TBC1D1: variants seen among roughly 807,000 people sequenced by gnomAD.
TBC1D1 encodes the protein TBC1 domain family member 1.
TBC1D1 carries 89 observed loss-of-function variants against 125.6 expected under a neutral mutation model. The ratio of observed to expected loss-of-function variants is 0.71; its 90% CI spans 0.60 to 0.85. The LOEUF (loss-of-function observed/expected upper bound fraction) is 0.85, where lower values mean the gene tolerates loss of function less well. TBC1D1 is among the 40% of genes least tolerant of loss of function. The pLI is 0.00. For missense variants in TBC1D1, 1,377 were observed against 1,469.2 expected (o/e 0.94, Z 1.03); for synonymous variants, 565 against 564.1 (o/e 1.00, Z -0.02).
At position 38,090,094 on chromosome 4, in the gene TBC1D1, A is replaced by T; in HGVS notation, c.2213A>T (p.Glu738Val). The T allele has an allele frequency of 6.2e-7, 1 of 1,614,104 alleles. No individual in the cohort carries two copies. The highest frequency in any genetic ancestry group is 1.1e-5 in the South Asian group (1 of 91,070). Residue 738 changes from glutamate (E) to valine (V), a missense_variant, in exon 13 of 20, where the codon GAG (glutamate) becomes GTG (valine). Glu to Val is a moderately radical substitution (Grantham distance 121, BLOSUM62 -2). Transcript: ENST00000261439. ...CAACAGATACTGCTGCTTAGAATGGAGAAGGAAAATCAGAAGCTCCAAGGT... is the reference window on the plus strand; with the variant it reads ...CAACAGATACTGCTGCTTAGAATGGTGAAGGAAAATCAGAAGCTCCAAGGT...
chr4:38,117,602 A>G (rs944052158), intron 16 of TBC1D1, among the ~76,000 whole-genome samples: 2 of 152,184 alleles, frequency 1.3e-5, no homozygotes, highest in African/African-American at 4.8e-5. Flanking sequence ...AACATGTACA[A>G]TGGATTCCTA....
At chr4:37,926,034 G>A (rs557572710) in intron 2 of TBC1D1, among the ~76,000 whole-genome samples, 1 of 152,302 alleles carries the variant, frequency 6.6e-6, no homozygotes, top group South Asian at 2.1e-4. Context: ...ATGGTGCCCT[G>A]CAATGGCTCT....
At chr4:38,066,445 C>T (rs970852268) in intron 12 of TBC1D1, among the ~76,000 whole-genome samples, 2 of 152,118 alleles carry the variant, frequency 1.3e-5, no homozygotes, top group African/African-American at 4.8e-5. Flanking sequence ...CAGTCCCCTG[C>T]CTCAGCCTCC....
intron 8 of TBC1D1, among the ~76,000 whole-genome samples, chr4:38,036,630 A>G (rs1376725883): frequency 6.6e-6 from 1 of 152,050 alleles, no homozygotes; most frequent in Non-Finnish European, 1.5e-5. Flanking sequence ...TGCAGTTTTC[A>G]TGGGGTGTAC....
chr4:38,106,910 G>A (rs894780453), intron 15 of TBC1D1, among the ~76,000 whole-genome samples: 3 of 152,076 alleles, frequency 2.0e-5, no homozygotes, highest in Non-Finnish European at 2.9e-5. Flanking sequence ...GTGGGAGCCC[G>A]GTCCACTGGC....
intron 11 of TBC1D1, chr4:38,051,955 C>G: frequency 6.4e-7 from 1 of 1,550,774 alleles, no homozygotes; most frequent in South Asian, 1.2e-5. Context: ...TCTTCAGCTC[C>G]TGCTCCTCCA....
chr4:37,939,606 G>T (rs944020797), intron 2 of TBC1D1, among the ~76,000 whole-genome samples: 12 of 152,186 alleles, frequency 7.9e-5, no homozygotes, highest in African/African-American at 2.9e-4. Context: ...CCATGCCTAT[G>T]TCCTGAATGG....
intron 15 of TBC1D1, among the ~76,000 whole-genome samples, chr4:38,115,267 AT>A (rs1288724833): frequency 2.0e-5 from 3 of 151,462 alleles, no homozygotes; most frequent in Non-Finnish European, 4.4e-5. Flanking sequence ...CGCCTGACTA[AT>A]TTTTTCTATT....
chr4:38,050,403 G>T (rs1434529297), intron 11 of TBC1D1, among the ~76,000 whole-genome samples: 1 of 152,172 alleles, frequency 6.6e-6, no homozygotes, highest in African/African-American at 2.4e-5. Context: ...TAACAAAATT[G>T]GAGTAGATGT....
chr4:38,021,864 T>C, intron 6 of TBC1D1, 146 bp downstream of exon 6: 2 of 941,436 alleles, frequency 2.1e-6, no homozygotes, highest in African/African-American at 3.4e-5. Flanking sequence ...CAGTGTGCAG[T>C]GGGTGTCTTC....
chr4:38,018,142 C>G (rs1743212871), intron 3 of TBC1D1, among the ~76,000 whole-genome samples: 2 of 152,118 alleles, frequency 1.3e-5, no homozygotes, highest in South Asian at 4.1e-4. Flanking sequence ...CTGGTTCTTT[C>G]ATCTCAAGGA....
chr4:37,964,712 C>T (rs1482491949), intron 2 of TBC1D1, among the ~76,000 whole-genome samples: 1 of 152,224 alleles, frequency 6.6e-6, no homozygotes, highest in Non-Finnish European at 1.5e-5. Flanking sequence ...TGAGAAGGGC[C>T]CTGCTGCCTC....
intron 8 of TBC1D1, among the ~76,000 whole-genome samples, chr4:38,037,623 A>G (rs1045386472): frequency 6.6e-6 from 1 of 152,126 alleles, no homozygotes; most frequent in Admixed American, 6.6e-5. Context: ...AAAAATTTCT[A>G]AAGCTTTTGA....
At chr4:37,900,409 T>A (rs1403282056) in intron 1 of TBC1D1, among the ~76,000 whole-genome samples, 12 of 19,948 alleles carry the variant, frequency 6.0e-4, no homozygotes, top group African/African-American at 1.3e-3. Flanking sequence ...GGAAATATCT[T>A]TTTTTTTTTT....
In TBC1D1 at chr4:38,049,823, G is replaced by A. The variant is rs779792096; in HGVS notation, c.1835G>A (p.Arg612Gln). Residue 612 changes from arginine (R) to glutamine (Q), a missense_variant, in exon 11 of 20, where the codon CGG becomes CAG. By Grantham distance (43) the Arg-to-Gln change is conservative. This residue lies in a region of TBC1D1 where 822 missense variants were observed against 824.6 expected (regional missense o/e 1.00). Transcript: ENST00000261439. ...TGCCAGGAACCTCCACAACCTGCCC[G>A]GGGGTCCCCGGGGGTTTCGCAAAGG... The A allele has an allele frequency of 1.3e-5, 21 of 1,614,094 alleles. No individual in the cohort carries two copies. In the Middle Eastern group the frequency reaches 4.9e-4, roughly 38 times the overall value.
chr4:37,945,470 ACCATTGCACT>A (rs1231810011), intron 2 of TBC1D1, among the ~76,000 whole-genome samples: 3 of 137,910 alleles, frequency 2.2e-5, no homozygotes, highest in Non-Finnish European at 4.6e-5. Context: ...CCAAGATCAC[ACCATTGCACT>A]CCAGCCTGGG....
At chr4:38,100,089 A>G (rs1760038965) in intron 14 of TBC1D1, among the ~76,000 whole-genome samples, 1 of 152,184 alleles carries the variant, frequency 6.6e-6, no homozygotes, top group African/African-American at 2.4e-5. Flanking sequence ...TCTCATCAGC[A>G]TTTGAAGTAT....
At chr4:38,003,028 G>A (rs562998480) in intron 2 of TBC1D1, among the ~76,000 whole-genome samples, 2 of 152,208 alleles carry the variant, frequency 1.3e-5, no homozygotes, top group African/African-American at 2.4e-5. Context: ...AAAGTAGCCT[G>A]AAGTAACCTG....
intron 2 of TBC1D1, among the ~76,000 whole-genome samples, chr4:37,969,325 G>GC (rs1165063519): frequency 6.6e-6 from 1 of 152,078 alleles, no homozygotes; most frequent in African/African-American, 2.4e-5. Flanking sequence ...TCTACTATAG[G>GC]CCAGTGCTTT....
Sources: allele counts gnomAD v4.1 joint callset (sites outside exome capture counted in the v4.1 genomes callset), GRCh38; gene constraint gnomAD v4.1.1; regional missense constraint gnomAD v4.1.1; transcripts MANE v1.5; gene names NCBI Gene and HGNC (gene_info 2026-07-23, HGNC 2026-07-21).